CELSR2: variants seen among roughly 807,000 people sequenced by gnomAD.
CELSR2 encodes cadherin EGF LAG seven-pass G-type receptor 2.
CELSR2 carries 81 observed loss-of-function variants against 251.6 expected under a neutral mutation model. The observed-to-expected ratio is 0.32, with a 90% CI of 0.27 to 0.39. The LOEUF (loss-of-function observed/expected upper bound fraction) is 0.39. Ranked by LOEUF, CELSR2 falls within the 10% of genes least tolerant of loss-of-function variation. The probability of loss-of-function intolerance (pLI) is 1.00; values close to 1 mark genes in which losing one functional copy is unlikely to be tolerated. For missense variants in CELSR2, 3,365 were observed against 3,947.7 expected, an observed-to-expected ratio of 0.85 and a Z score of 3.96; for synonymous variants, 1,721 against 1,670.5, an observed-to-expected ratio of 1.03 and a Z score of -0.74.
In CELSR2 at chr1:109,252,995, C is replaced by T. The variant is rs1230628567; in HGVS notation, c.2916C>T (p.Asp972=). The T allele has an allele frequency of 1.2e-6, 2 of 1,612,098 alleles. No individual in the cohort carries two copies. The highest frequency in any genetic ancestry group is 1.1e-5 in the South Asian group (1 of 90,956). ...ACATCCCTGAGGTCTTTCAGCTGGA[C>T]ATCTTCTCCGGGGAGCTGACAGCCC... ...EGNIPEVFQL[D]IFSGELTALV... Residue 972 remains aspartate (D), a synonymous_variant, in exon 1 of 34, where the codon GAC becomes GAT. Transcript: ENST00000271332. This position sits in a 1 kb window ranked among gnomAD's most constrained non-coding sequence, Gnocchi z 4.8.
rs190646566 is a variant in CELSR2 at position 109,274,063 on chromosome 1, T to G, written c.*14T>G. The G allele has an allele frequency of 4.3e-6, 7 of 1,614,070 alleles. No homozygotes were observed. The Admixed American group carries it at 1.0e-4, about 23-fold the overall frequency. On this transcript the variant is annotated 3_prime_UTR_variant, in exon 34 of 34. Coordinates refer to ENST00000271332, the MANE Select transcript of CELSR2 (RefSeq NM_001408.3). Reference sequence around the variant, plus strand: ...TTCCTGCATTAACCCTGGGCCGTGGTTCCTACGCCCGAGGCTCCCTTCCCT... The same window carrying G: ...TTCCTGCATTAACCCTGGGCCGTGGGTCCTACGCCCGAGGCTCCCTTCCCT...
chr1:109,268,812 G>A (rs747630456), intron 18 of CELSR2, 48 bp downstream of exon 18: 26 of 1,582,256 alleles, frequency 1.6e-5, no homozygotes, highest in East Asian at 2.3e-5. Flanking sequence ...GGGAGTCCCC[G>A]ACAAGAGCGG....
At chr1:109,266,575 T>TTTTTTTTTTTTTC in intron 15 of CELSR2, 1 of 159,566 alleles carries the variant, frequency 6.3e-6, no homozygotes, top group African/African-American at 2.6e-5. Context: ...TTTTTTTTTT[T>TTTTTTTTTTTTTC]TTTTTTTTTG....
rs552956018 is a variant in CELSR2 at position 109,270,194 on chromosome 1, C to G, written c.7308+61C>G. On this transcript the variant is annotated intron_variant, in intron 23 of 33. Transcript: ENST00000271332. Reference sequence around the variant, plus strand: ...CTTCTCAGGCCGCCTCCCCAGCCCCCACTGGCAACCCCTGCTCCTGCACCA... The same window carrying G: ...CTTCTCAGGCCGCCTCCCCAGCCCCGACTGGCAACCCCTGCTCCTGCACCA... The G allele has an allele frequency of 2.5e-4, 383 of 1,536,310 alleles. 1 individual carries two copies. In the African/African-American group the frequency reaches 4.9e-3, roughly 19 times the overall value.
In CELSR2 at chr1:109,264,557, A is replaced by G. The variant is rs1203123905; in HGVS notation, c.5393A>G (p.Asp1798Gly). 5 of 1,614,024 alleles carry G rather than the reference A, an allele frequency of 3.1e-6. No individual in the cohort carries two copies. Among genetic ancestry groups the G allele is most frequent in the Non-Finnish European group, 4.2e-6 (5 of 1,180,026 alleles). ...GGCTGTAGCCTGCCTGACCCTTGTG[A>G]CTCAAACCCGTGTCCTGCTAACAGC... ...EQGCSLPDPC[D>G]SNPCPANSYC... The change falls in exon 11 of 34, where the codon GAC (aspartate) becomes GGC (glycine). Residue 1798 changes from aspartate to glycine, a missense_variant. Asp to Gly is a moderately conservative substitution (Grantham distance 94). Around this residue, in one of 5 missense-constraint regions of CELSR2, gnomAD observed 2,093 missense variants for 2,382.8 expected, o/e 0.88. Coordinates refer to ENST00000271332, the MANE Select transcript of CELSR2 (RefSeq NM_001408.3).
rs11102967 is a variant in CELSR2 at position 109,274,623 on chromosome 1, C to T, written c.*574C>T. ...GTGAGGGGCCAGGGCAAAGGGTGTGCCTCGTCCTGCCCGCACTGCCTCTCC... is the reference window on the plus strand; with the variant it reads ...GTGAGGGGCCAGGGCAAAGGGTGTGTCTCGTCCTGCCCGCACTGCCTCTCC... On this transcript the variant is annotated 3_prime_UTR_variant, in exon 34 of 34. Transcript: ENST00000271332. 87,156 of 154,228 alleles carry T rather than the reference C, an allele frequency of 0.57. 27,869 individuals are homozygous for T. Among genetic ancestry groups the T allele is most frequent in the East Asian group, 0.93 (4,895 of 5,238 alleles). The allele number at this position is 154,228 out of a possible 1,614,324, so 9.6% of individuals were successfully genotyped here. A position where few individuals can be genotyped will look rare whatever the true frequency, so the allele number is the denominator to read the frequency against.
chr1:109,260,006 C>T (rs1384402952), intron 2 of CELSR2, among the ~76,000 whole-genome samples: 1 of 152,066 alleles, frequency 6.6e-6, no homozygotes, highest in Non-Finnish European at 1.5e-5. Context: ...AGGGCCATGC[C>T]CACTGGCTCT....
Position 109,250,291 on chromosome 1 carries a change from G to T in CELSR2, c.212G>T (p.Arg71Leu). The T allele has an allele frequency of 6.2e-7, 1 of 1,613,206 alleles. No individual in the cohort carries two copies. Among genetic ancestry groups the T allele is most frequent in the Non-Finnish European group, 8.5e-7 (1 of 1,179,952 alleles). Reference protein sequence around the residue: ...SASNLWLYTSRCRDAGTELTG... With the variant: ...SASNLWLYTSLCRDAGTELTG... Reference sequence around the variant, plus strand: ...TCGAACCTCTGGCTCTACACCAGCCGCTGCAGGGATGCGGGCACTGAGCTG... The same window carrying T: ...TCGAACCTCTGGCTCTACACCAGCCTCTGCAGGGATGCGGGCACTGAGCTG... Residue 71 changes from arginine to leucine, a missense_variant, in exon 1 of 34, where the codon CGC becomes CTC. Transcript: ENST00000271332. This position sits in a 1 kb window ranked among gnomAD's most constrained non-coding sequence, Gnocchi z 4.4.
At position 109,250,498 on chromosome 1, in the gene CELSR2, C is replaced by T; in HGVS notation, c.419C>T (p.Ala140Val). ...TLPEEHPCLK[A>V]PRLRCQSCKL... ...CCCGAGGAGCACCCGTGCTTAAAGG[C>T]TCCACGGCTCAGATGCCAGTCCTGC... Residue 140 changes from alanine to valine, a missense_variant, in exon 1 of 34, where the codon GCT (alanine) becomes GTT (valine). Ala to Val is a moderately conservative substitution (Grantham distance 64, BLOSUM62 0). Around this residue, in one of 5 missense-constraint regions of CELSR2, gnomAD observed 704 missense variants for 784.1 expected, o/e 0.90. Transcript: ENST00000271332. The surrounding 1 kb of genome is among the most constrained non-coding windows in gnomAD (Gnocchi z 4.4). The T allele has an allele frequency of 1.9e-6, 3 of 1,613,814 alleles. No individual in the cohort carries two copies. The highest frequency in any genetic ancestry group is 2.5e-6 in the Non-Finnish European group (3 of 1,180,024).
chr1:109,250,871 C>T lies in CELSR2; in HGVS notation c.792C>T (p.His264=), dbSNP rs1457651507. The part of the protein sequence containing the change: ...THVFRVTAQD[H]GMPRRSALAT... ...TCTTCAGGGTCACGGCGCAGGACCACGGCATGCCCCGACGAAGTGCCCTGG... is the reference window on the plus strand; with the variant it reads ...TCTTCAGGGTCACGGCGCAGGACCATGGCATGCCCCGACGAAGTGCCCTGG... Residue 264 remains histidine (H), a synonymous_variant, in exon 1 of 34, where the codon CAC becomes CAT. Transcript: ENST00000271332. The surrounding 1 kb of genome is among the most constrained non-coding windows in gnomAD (Gnocchi z 4.4). The T allele has an allele frequency of 8.7e-6, 14 of 1,613,912 alleles. No individual in the cohort carries two copies. The Middle Eastern group carries it at 6.6e-4, about 76-fold the overall frequency.
chr1:109,251,118 G>C lies in CELSR2; in HGVS notation c.1039G>C (p.Gly347Arg). The C allele has an allele frequency of 2.5e-6, 4 of 1,613,300 alleles. No individual in the cohort carries two copies. The highest frequency in any genetic ancestry group is 3.4e-6 in the Non-Finnish European group (4 of 1,179,944). ...SEVFEIDPRS[G>R]VIRTRGPVDR... ...AGTCTTTGAGATCGACCCTCGCTCTGGGGTGATCCGAACCCGTGGCCCTGT... is the reference window on the plus strand; with the variant it reads ...AGTCTTTGAGATCGACCCTCGCTCTCGGGTGATCCGAACCCGTGGCCCTGT... Residue 347 changes from glycine (G) to arginine (R), a missense_variant, in exon 1 of 34, where the codon GGG (glycine) becomes CGG (arginine). This residue lies in a region of CELSR2 where 704 missense variants were observed against 784.1 expected (regional missense o/e 0.90). Transcript: ENST00000271332. The surrounding 1 kb of genome is among the most constrained non-coding windows in gnomAD (Gnocchi z 4.9).
At chr1:109,270,292 C>T in intron 23 of CELSR2, 134 bp from the exon 24 acceptor site, 2 of 1,278,738 alleles carry the variant, frequency 1.6e-6, no homozygotes, top group Non-Finnish European at 2.2e-6. Context: ...CGGGATCCCC[C>T]AGCACCTGCC....
chr1:109,271,502 A>T lies in CELSR2; in HGVS notation c.7793A>T (p.Asn2598Ile). 6.2e-7 allele frequency: 1 copy of T among 1,614,114 alleles called. No individual in the cohort carries two copies. Among genetic ancestry groups the T allele is most frequent in the Non-Finnish European group, 8.5e-7 (1 of 1,180,024 alleles). Residue 2598 changes from asparagine to isoleucine, a missense_variant, in exon 27 of 34, where the codon AAT becomes ATT. Asn to Ile is a moderately radical substitution (Grantham distance 149). Transcript: ENST00000271332. ...LLFHYLFATC[N>I]CIQGPFIFLS... The stretch of plus-strand genomic sequence containing the variant: ...TTCCACTACCTCTTTGCTACCTGCA[A>T]TTGCATCCAGGTACCTGGCCCAGCC...
At chr1:109,268,134 G>C in intron 17 of CELSR2, 74 bp downstream of exon 17, 1 of 1,513,662 alleles carries the variant, frequency 6.6e-7, no homozygotes, top group Non-Finnish European at 8.8e-7. Context: ...TGGCAACCTG[G>C]GGGGCAGAGG....
chr1:109,251,719 T>C lies in CELSR2; in HGVS notation c.1640T>C (p.Val547Ala). 1.9e-6 allele frequency: 3 copies of C among 1,613,936 alleles called. No individual in the cohort carries two copies. Among genetic ancestry groups the C allele is most frequent in the Non-Finnish European group, 2.5e-6 (3 of 1,179,986 alleles). The change falls in exon 1 of 34, where the codon GTG (valine) becomes GCG (alanine). Residue 547 changes from valine to alanine, a missense_variant. This residue lies in a region of CELSR2 where 704 missense variants were observed against 784.1 expected (regional missense o/e 0.90). Coordinates refer to ENST00000271332, the MANE Select transcript of CELSR2 (RefSeq NM_001408.3). The surrounding 1 kb of genome is among the most constrained non-coding windows in gnomAD (Gnocchi z 4.9). ...CGCCTGGAATACCGCCTTGCTGGGG[T>C]GGGACATGACTTCCCCTTCACCATC... ...NARLEYRLAG[V>A]GHDFPFTINN...
intron 1 of CELSR2, among the ~76,000 whole-genome samples, chr1:109,256,277 T>TG (rs1200111479): frequency 2.6e-5 from 4 of 152,088 alleles, no homozygotes; most frequent in Non-Finnish European, 5.9e-5. Context: ...TGTGGGCTGG[T>TG]GTCTGGGTGG....
intron 17 of CELSR2, 78 bp from the exon 18 acceptor site, chr1:109,268,503 G>C: frequency 6.7e-7 from 1 of 1,489,302 alleles, no homozygotes; most frequent in Non-Finnish European, 9.0e-7. Flanking sequence ...GGACTGGCCC[G>C]GGCACAGGCC....
In CELSR2 at chr1:109,258,436, C is replaced by T. The variant is rs925075073; in HGVS notation, c.3315C>T (p.Gly1105=). ...TGACTGTGTCCCTCTCCACAGACGG[C>T]GTACACAGCGTGACCGCCCAGTGCG... ...EAIMSVLVSD[G]VHSVTAQCAL... is the part of the protein sequence containing the mutation. The change falls in exon 2 of 34, where the codon GGC becomes GGT. Residue 1105 remains glycine, a synonymous_variant. Coordinates refer to ENST00000271332, the MANE Select transcript of CELSR2 (RefSeq NM_001408.3). The T allele has an allele frequency of 3.2e-6, 5 of 1,578,262 alleles. No homozygotes were observed. Among genetic ancestry groups the T allele is most frequent in the Admixed American group, 3.5e-5 (2 of 57,734 alleles).
chr1:109,252,572 C>T lies in CELSR2; in HGVS notation c.2493C>T (p.Phe831=), dbSNP rs535934834. 2 of 1,613,928 alleles carry T rather than the reference C, an allele frequency of 1.2e-6. No homozygotes were observed. The highest frequency in any genetic ancestry group is 2.2e-5 in the South Asian group (2 of 91,080). ...GTGTCTATGAGGATGTGCCACCCTT[C>T]ACTAGCGTCCTGCAGATCTCAGCCA... is the stretch of plus-strand genomic sequence containing the variant. ...QGSVYEDVPP[F]TSVLQISATD... The change falls in exon 1 of 34, where the codon TTC becomes TTT. Residue 831 remains phenylalanine, a synonymous_variant. Transcript: ENST00000271332. This position sits in a 1 kb window ranked among gnomAD's most constrained non-coding sequence, Gnocchi z 4.8.
Sources: gnomAD v4.1 joint callset for allele counts (sites outside exome capture counted in the v4.1 genomes callset) on GRCh38, gnomAD v4.1.1 for gene constraint, gnomAD v4.1.1 regional missense constraint, Gnocchi (gnomAD v3.1) non-coding constraint, MANE v1.5 for transcripts, NCBI Gene and HGNC (gene_info 2026-07-23, HGNC 2026-07-21) for gene names.